Variants in TENM3 observed in about 807,000 individuals in gnomAD.
The protein encoded by TENM3 is teneurin transmembrane protein 3.
In TENM3, 63 loss-of-function variants were observed where a neutral mutation model predicts 255.1. The ratio of observed to expected loss-of-function variants is 0.25; its 90% CI spans 0.20 to 0.30. The LOEUF is 0.30. Ranked by LOEUF, TENM3 falls within the 10% of genes least tolerant of loss-of-function variation. TENM3 has a pLI of 1.00. For synonymous variants in TENM3, 1,306 were observed against 1,322.3 expected, an observed-to-expected ratio of 0.99 and a Z score of 0.27; for missense variants, 2,929 against 3,461.1, an observed-to-expected ratio of 0.85 and a Z score of 3.86.
chr4:181,960,918 C>T, the TENM3 span, among the ~76,000 whole-genome samples: 6 of 152,232 alleles, frequency 3.9e-5, no homozygotes, highest in African/African-American at 9.6e-5. Flanking sequence ...AGAATACCAC[C>T]GGCTGATCAC....
At chr4:181,883,757 G>A in the TENM3 span, among the ~76,000 whole-genome samples, 3 of 152,250 alleles carry the variant, frequency 2.0e-5, no homozygotes, top group Admixed American at 6.5e-5. Flanking sequence ...GATTACAGGC[G>A]TGAGCCACCG....
chr4:181,843,005 T>G, the TENM3 span, among the ~76,000 whole-genome samples: 1 of 152,216 alleles, frequency 6.6e-6, no homozygotes, highest in African/African-American at 2.4e-5. Flanking sequence ...TTCCTTTGAC[T>G]AAAACCTTCT....
chr4:181,629,246 T>C, the TENM3 span, among the ~76,000 whole-genome samples: 1 of 152,206 alleles, frequency 6.6e-6, no homozygotes, highest in Non-Finnish European at 1.5e-5. Context: ...GCTGAGACAA[T>C]GGGATTTTCT....
the TENM3 span, among the ~76,000 whole-genome samples, chr4:181,501,535 G>A: frequency 1.3e-4 from 20 of 152,030 alleles, no homozygotes; most frequent in African/African-American, 3.9e-4. Context: ...CCGCCACCAC[G>A]TCTGGCTAAT....
chr4:182,321,880 G>A (rs1328036960), intron 1 of TENM3, among the ~76,000 whole-genome samples: 2 of 151,832 alleles, frequency 1.3e-5, no homozygotes, highest in East Asian at 3.9e-4. Flanking sequence ...AGGAGGCGGA[G>A]GTTGCAGTGA....
chr4:182,783,632 AT>A (rs1765366557), intron 24 of TENM3, among the ~76,000 whole-genome samples: 1 of 116,684 alleles, frequency 8.6e-6, no homozygotes, highest in Non-Finnish European at 1.7e-5. Context: ...GTTCTCCTGG[AT>A]AATATCCTGC....
At chr4:181,921,660 T>C in the TENM3 span, among the ~76,000 whole-genome samples, 1 of 152,222 alleles carries the variant, frequency 6.6e-6, no homozygotes, top group Non-Finnish European at 1.5e-5. Flanking sequence ...TTTCTAGATA[T>C]ACAATCATGT....
chr4:182,532,305 A>C (rs1286837199), intron 3 of TENM3, among the ~76,000 whole-genome samples: 1 of 152,198 alleles, frequency 6.6e-6, no homozygotes, highest in Non-Finnish European at 1.5e-5. Context: ...TTGAAGATTC[A>C]GTGATATATG....
chr4:182,576,868 C>G, intron 3 of TENM3, among the ~76,000 whole-genome samples: 1 of 152,316 alleles, frequency 6.6e-6, no homozygotes. Context: ...AACCATTCCA[C>G]AGCTCTCTTT....
chr4:181,921,776 A>C, the TENM3 span, among the ~76,000 whole-genome samples: 1 of 152,118 alleles, frequency 6.6e-6, no homozygotes, highest in Non-Finnish European at 1.5e-5. Flanking sequence ...ACTATGTTGA[A>C]TAGGAGTGGT....
At chr4:181,754,353 C>T in the TENM3 span, among the ~76,000 whole-genome samples, 7 of 149,338 alleles carry the variant, frequency 4.7e-5, no homozygotes, top group African/African-American at 1.7e-4. Context: ...TCTTAAATTG[C>T]TTATAAAACA....
chr4:182,063,944 T>C, the TENM3 span, among the ~76,000 whole-genome samples: 1 of 152,176 alleles, frequency 6.6e-6, no homozygotes, highest in Non-Finnish European at 1.5e-5. Context: ...GCATTTGGGA[T>C]AGAATGCAGG....
At chr4:182,629,864 T>C (rs761154878) in intron 5 of TENM3, among the ~76,000 whole-genome samples, 4 of 152,230 alleles carry the variant, frequency 2.6e-5, no homozygotes, top group Non-Finnish European at 5.9e-5. Context: ...TTATGCACTT[T>C]GGAAAGTGAA....
the TENM3 span, among the ~76,000 whole-genome samples, chr4:181,563,082 G>A: frequency 6.6e-6 from 1 of 152,216 alleles, no homozygotes; most frequent in South Asian, 2.1e-4. Context: ...GGGTGCATTC[G>A]TTTGCTAGGG....
At chr4:181,622,071 T>G in the TENM3 span, among the ~76,000 whole-genome samples, 1 of 152,314 alleles carries the variant, frequency 6.6e-6, no homozygotes, top group Non-Finnish European at 1.5e-5. Flanking sequence ...TGATGTAAAC[T>G]TTGGGCAATG....
At chr4:182,057,290 A>AG in the TENM3 span, among the ~76,000 whole-genome samples, 4,213 of 149,414 alleles carry the variant, frequency 0.028, 199 homozygotes, top group African/African-American at 0.098. Context: ...AAATTTCTCA[A>AG]AGAGAGAGAG....
At chr4:182,370,427 C>G (rs1766726542) in intron 3 of TENM3, among the ~76,000 whole-genome samples, 1 of 151,964 alleles carries the variant, frequency 6.6e-6, no homozygotes, top group Non-Finnish European at 1.5e-5. Context: ...TGATGAATAC[C>G]TTACCATACC....
chr4:182,132,487 C>T, the TENM3 span, among the ~76,000 whole-genome samples: 3 of 151,050 alleles, frequency 2.0e-5, no homozygotes, highest in African/African-American at 7.3e-5. Flanking sequence ...GAGAATCTGT[C>T]TCAAAAAAAA....
intron 3 of TENM3, among the ~76,000 whole-genome samples, chr4:182,586,025 G>A (rs2152375365): frequency 6.6e-6 from 1 of 152,208 alleles, no homozygotes; most frequent in East Asian, 1.9e-4. Context: ...AGGCCAAGGT[G>A]GGAGGATCAC....
Sources: allele counts gnomAD v4.1 joint callset (sites outside exome capture counted in the v4.1 genomes callset), GRCh38; gene constraint gnomAD v4.1.1; transcripts MANE v1.5; gene names NCBI Gene and HGNC (gene_info 2026-07-23, HGNC 2026-07-21).